PDE4B: variants seen among roughly 807,000 people sequenced by gnomAD.
PDE4B encodes the protein phosphodiesterase 4B, also known as 3',5'-cyclic-AMP phosphodiesterase 4B.
Under a neutral mutation model 82.2 loss-of-function variants are expected in PDE4B, and 20 were observed. The ratio of observed to expected loss-of-function variants is 0.24; its 90% CI spans 0.17 to 0.35. The LOEUF (loss-of-function observed/expected upper bound fraction) is 0.35, where lower values mean the gene tolerates loss of function less well. PDE4B is among the 10% of genes least tolerant of loss of function. The pLI, the probability that PDE4B is intolerant of heterozygous loss-of-function variation, is 1.00. For synonymous variants in PDE4B, 320 were observed against 318.9 expected, an observed-to-expected ratio of 1.00 and a Z score of -0.04; for missense variants, 655 against 907.2, an observed-to-expected ratio of 0.72 and a Z score of 3.57.
rs1557793364 is a variant in PDE4B at position 65,878,289 on chromosome 1, T to C, written c.-70-34956T>C. On this transcript the variant is annotated intron_variant, in intron 1 of 16. Transcript: ENST00000341517. ...CACTTTTACATTGTTGGAGGGAGTGTAAATTAGTTCAACCATTATGGAAGA... is the reference window on the plus strand; with the variant it reads ...CACTTTTACATTGTTGGAGGGAGTGCAAATTAGTTCAACCATTATGGAAGA... Among the ~76,000 whole-genome samples the C allele has an allele frequency of 2.0e-5, 3 of 152,302 alleles. No homozygotes were observed. In the East Asian group the frequency reaches 5.8e-4, roughly 29 times the overall value.
At chr1:66,251,096 T>G (rs986874113) in intron 4 of PDE4B, among the ~76,000 whole-genome samples, 2 of 152,272 alleles carry the variant, frequency 1.3e-5, no homozygotes, top group Non-Finnish European at 2.9e-5. Context: ...ACCATCACAC[T>G]TACTAGCACC....
chr1:65,977,469 ATAAAGCCTG>A (rs1650469652), intron 3 of PDE4B, among the ~76,000 whole-genome samples: 1 of 152,248 alleles, frequency 6.6e-6, no homozygotes, highest in South Asian at 2.1e-4. Context: ...TTTCCCAATA[ATAAAGCCTG>A]TATCATGGAA....
rs1646093227 is a variant in PDE4B, at chr1:65,832,398, T to A, written c.-71+39150T>A. 4.6e-5 allele frequency among the ~76,000 whole-genome samples: 7 copies of A among 152,288 alleles called. No individual in the cohort carries two copies. The South Asian group carries it at 1.5e-3, about 32-fold the overall frequency. On this transcript the variant is annotated intron_variant, in intron 1 of 16. Coordinates refer to ENST00000341517, the MANE Select transcript of PDE4B (RefSeq NM_002600.4). ...TTTAATTGGCATCTAGGTAACTTGG[T>A]CGAGAGTGATTTAAATTAAATGTGG...
At chr1:65,906,753 A>C (rs1647032101) in intron 1 of PDE4B, among the ~76,000 whole-genome samples, 1 of 152,164 alleles carries the variant, frequency 6.6e-6, no homozygotes, top group Non-Finnish European at 1.5e-5. Context: ...TTTCAAATGC[A>C]TGCCCTATTA....
intron 3 of PDE4B, among the ~76,000 whole-genome samples, chr1:66,148,301 AAAT>A (rs543818984): frequency 6.6e-6 from 1 of 151,748 alleles, no homozygotes; most frequent in Non-Finnish European, 1.5e-5. Flanking sequence ...AAAATAAATA[AAAT>A]AATACATTCT....
At chr1:66,211,295 A>G (rs1357921936) in intron 3 of PDE4B, among the ~76,000 whole-genome samples, 1 of 152,174 alleles carries the variant, frequency 6.6e-6, no homozygotes, top group East Asian at 1.9e-4. Flanking sequence ...ATACGTTCCA[A>G]GTCTCTTCTC....
At chr1:65,815,894 A>T (rs1645877996) in intron 1 of PDE4B, among the ~76,000 whole-genome samples, 1 of 152,204 alleles carries the variant, frequency 6.6e-6, no homozygotes, top group African/African-American at 2.4e-5. Flanking sequence ...GTTTTTACAT[A>T]AAAGGACTTC....
At position 66,086,529 on chromosome 1, in the gene PDE4B, A is replaced by C. The variant is rs192188666; in HGVS notation, c.282-160931A>C. Among the ~76,000 whole-genome samples, 26 of 152,302 alleles carry C rather than the reference A, an allele frequency of 1.7e-4. No homozygotes were observed. The South Asian group carries it at 3.1e-3, about 18-fold the overall frequency. On this transcript the variant is annotated intron_variant, in intron 3 of 16. Transcript: ENST00000341517. ...TATGTCATAATCATTAGGGAATTTG[A>C]ATGAGTGTTCCTATTATGATTAAGT...
intron 8 of PDE4B, among the ~76,000 whole-genome samples, chr1:66,332,939 A>C (rs1398083905): frequency 1.3e-5 from 2 of 152,204 alleles, no homozygotes; most frequent in East Asian, 3.8e-4. Context: ...AGTGCTTTAA[A>C]ATTTTTTTAC....
intron 7 of PDE4B, among the ~76,000 whole-genome samples, chr1:66,268,899 G>A (rs1327624645): frequency 8.5e-5 from 13 of 152,086 alleles, no homozygotes; most frequent in Admixed American, 7.2e-4. Context: ...GGCTTCTTGT[G>A]TGTCTCTCCC....
intron 3 of PDE4B, among the ~76,000 whole-genome samples, chr1:66,117,100 A>G (rs1645611391): frequency 6.6e-6 from 1 of 152,200 alleles, no homozygotes; most frequent in African/African-American, 2.4e-5. Flanking sequence ...GGAGAAGGAG[A>G]CAATTACCTG....
chr1:66,194,006 C>T (rs1164552314), intron 3 of PDE4B, among the ~76,000 whole-genome samples: 1 of 148,400 alleles, frequency 6.7e-6, no homozygotes, highest in Non-Finnish European at 1.5e-5. Context: ...GTTCTAGTAA[C>T]TGACAATCTC....
intron 3 of PDE4B, among the ~76,000 whole-genome samples, chr1:66,029,000 C>A (rs531384025): frequency 6.6e-6 from 1 of 152,306 alleles, no homozygotes; most frequent in South Asian, 2.1e-4. Flanking sequence ...TTTCAGATAT[C>A]TTTTCAGCAA....
chr1:65,815,537 G>A (rs1320000270), intron 1 of PDE4B, among the ~76,000 whole-genome samples: 2 of 152,080 alleles, frequency 1.3e-5, no homozygotes, highest in Non-Finnish European at 2.9e-5. Context: ...AAAAATGGCT[G>A]AAGTGTGTAT....
chr1:66,296,235 A>T (rs1657504480), intron 7 of PDE4B, among the ~76,000 whole-genome samples: 2 of 152,110 alleles, frequency 1.3e-5, no homozygotes, highest in Admixed American at 1.3e-4. Context: ...TATCCACAGG[A>T]CCTGGCCTAA....
chr1:66,355,308 C>A, intron 8 of PDE4B: 1 of 418,604 alleles, frequency 2.4e-6, no homozygotes, highest in Non-Finnish European at 4.2e-6. Context: ...CAAAAGTAAT[C>A]AGATGTTAAT....
chr1:66,361,885 T>C, intron 10 of PDE4B, 92 bp downstream of exon 10: 2 of 1,035,886 alleles, frequency 1.9e-6, no homozygotes, highest in Non-Finnish European at 2.8e-6. Context: ...TGGATTGCTT[T>C]TGCATTATTA....
chr1:66,064,487 G>C (rs1369426794), intron 3 of PDE4B, among the ~76,000 whole-genome samples: 3 of 151,776 alleles, frequency 2.0e-5, no homozygotes, highest in Admixed American at 6.6e-5. Context: ...AGATAGAGAG[G>C]GATACAGAAT....
chr1:66,166,185 T>C (rs1337980833), intron 3 of PDE4B, among the ~76,000 whole-genome samples: 1 of 152,146 alleles, frequency 6.6e-6, no homozygotes, highest in Non-Finnish European at 1.5e-5. Context: ...CAACTGGATA[T>C]CCACATGCAA....
Sources: gnomAD v4.1 joint callset for allele counts (sites outside exome capture counted in the v4.1 genomes callset) on GRCh38, gnomAD v4.1.1 for gene constraint, MANE v1.5 for transcripts, NCBI Gene and HGNC (gene_info 2026-07-23, HGNC 2026-07-21) for gene names.